Variants in SYT17 observed in about 807,000 individuals in gnomAD.
The protein encoded by SYT17 is synaptotagmin-17.
In SYT17, 22 loss-of-function variants were observed where a neutral mutation model predicts 46.7. The ratio of observed to expected loss-of-function variants is 0.47; its 90% CI spans 0.34 to 0.67. The LOEUF is 0.67. SYT17 is among the 30% of genes least tolerant of loss of function. The probability of loss-of-function intolerance (pLI) is 0.01; values close to 1 mark genes in which losing one functional copy is unlikely to be tolerated. For missense variants in SYT17, 519 were observed against 612.8 expected (o/e 0.85, Z 1.62); for synonymous variants, 251 against 248.4 (o/e 1.01, Z -0.10).
chr16:19,174,002 C>T (rs780016753), intron 3 of SYT17, among the ~76,000 whole-genome samples: 1 of 152,118 alleles, frequency 6.6e-6, no homozygotes, highest in Non-Finnish European at 1.5e-5. Context: ...TAGCCCAGGG[C>T]CTGCACATAG....
chr16:19,204,820 C>T (rs556849068), intron 5 of SYT17, among the ~76,000 whole-genome samples: 10 of 152,142 alleles, frequency 6.6e-5, no homozygotes, highest in Admixed American at 3.9e-4. Flanking sequence ...CTTAGTTTGC[C>T]GCCTGCTGGA....
At chr16:19,249,961 G>C in intron 7 of SYT17, 1 of 1,535,932 alleles carries the variant, frequency 6.5e-7, no homozygotes, top group Non-Finnish European at 8.7e-7. Context: ...CCCCATACCA[G>C]CCTGCGAACT....
intron 7 of SYT17, among the ~76,000 whole-genome samples, chr16:19,231,697 C>T (rs1966697494): frequency 6.6e-6 from 1 of 151,916 alleles, no homozygotes. Context: ...GGGGGTGGGA[C>T]CAGCTCCCTG....
chr16:19,262,224 A>C (rs1380780235), intron 7 of SYT17, among the ~76,000 whole-genome samples: 1 of 152,206 alleles, frequency 6.6e-6, no homozygotes, highest in Non-Finnish European at 1.5e-5. Context: ...CTTATGTTGA[A>C]TCCTAATCCC....
chr16:19,215,074 C>T (rs1966043226), intron 5 of SYT17, among the ~76,000 whole-genome samples: 2 of 152,124 alleles, frequency 1.3e-5, no homozygotes, highest in South Asian at 2.1e-4. Flanking sequence ...AGGCATGAGC[C>T]ACCGTGCCCG....
intron 7 of SYT17, among the ~76,000 whole-genome samples, chr16:19,253,174 T>C (rs996850881): frequency 2.0e-5 from 3 of 152,230 alleles, no homozygotes; most frequent in African/African-American, 7.2e-5. Flanking sequence ...GTGGCTGCTT[T>C]CTGCTAGTGC....
At chr16:19,202,373 T>C (rs1965500746) in intron 5 of SYT17, among the ~76,000 whole-genome samples, 1 of 152,232 alleles carries the variant, frequency 6.6e-6, no homozygotes, top group African/African-American at 2.4e-5. Flanking sequence ...GACAGCCAAG[T>C]AGAAAGGATG....
At chr16:19,236,870 A>G (rs566700639) in intron 7 of SYT17, among the ~76,000 whole-genome samples, 39 of 152,304 alleles carry the variant, frequency 2.6e-4, no homozygotes, top group Admixed American at 7.8e-4. Flanking sequence ...TTCAGTCTCT[A>G]TCCCCTCCCA....
intron 7 of SYT17, among the ~76,000 whole-genome samples, chr16:19,259,968 A>G (rs1160810039): frequency 6.6e-6 from 1 of 152,188 alleles, no homozygotes; most frequent in Non-Finnish European, 1.5e-5. Context: ...ACATTGGTTC[A>G]GTCCAGAAAG....
intron 5 of SYT17, among the ~76,000 whole-genome samples, chr16:19,191,271 G>A (rs144667528): frequency 2.6e-5 from 4 of 152,214 alleles, no homozygotes; most frequent in Admixed American, 1.3e-4. Flanking sequence ...TCCTAAATTC[G>A]TATGTTGAAA....
At chr16:19,254,671 A>G (rs550382881) in intron 7 of SYT17, among the ~76,000 whole-genome samples, 1 of 152,272 alleles carries the variant, frequency 6.6e-6, no homozygotes, top group South Asian at 2.1e-4. Context: ...AGCTCTGTAG[A>G]CAGTTTGCAG....
chr16:19,178,718 T>TG (rs531261101), intron 3 of SYT17, among the ~76,000 whole-genome samples: 2 of 152,212 alleles, frequency 1.3e-5, no homozygotes, highest in Non-Finnish European at 2.9e-5. Flanking sequence ...AATGTCAAGT[T>TG]GGGGGGTATG....
Position 19,222,830 on chromosome 16 carries a change from C to A in SYT17, c.952-215C>A, listed in dbSNP as rs1419953337. On this transcript the variant is annotated intron_variant, in intron 5 of 7. Transcript: ENST00000355377. ...GCTGCTTTTGTTGTTATTGTTGTTGCTGTTGAGTGATCTAAGAGCGGAAAA... is the reference window on the plus strand; with the variant it reads ...GCTGCTTTTGTTGTTATTGTTGTTGATGTTGAGTGATCTAAGAGCGGAAAA... 3.7e-4 allele frequency among the ~76,000 whole-genome samples: 56 copies of A among 152,054 alleles called. 1 individual carries two copies. Among genetic ancestry groups the A allele is most frequent in the Admixed American group, 3.7e-3 (56 of 15,248 alleles).
intron 6 of SYT17, among the ~76,000 whole-genome samples, chr16:19,223,728 C>A (rs573789273): frequency 6.6e-6 from 1 of 152,258 alleles, no homozygotes; most frequent in South Asian, 2.1e-4. Context: ...GAATTATTGT[C>A]TTCTCTAAGT....
At chr16:19,261,100 C>T (rs1443051220) in intron 7 of SYT17, among the ~76,000 whole-genome samples, 1 of 152,094 alleles carries the variant, frequency 6.6e-6, no homozygotes, top group African/African-American at 2.4e-5. Flanking sequence ...CTTGACCTCC[C>T]AAAGTGCTGG....
In SYT17 at chr16:19,252,482, CATATATATATACATATATATATACATAT is replaced by C. The variant is rs1567234861; in HGVS notation, c.1229-14390_1229-14363del. 3.3e-3 allele frequency among the ~76,000 whole-genome samples: 16 copies of C among 4,842 alleles called. 6 individuals are homozygous for C. The highest frequency in any genetic ancestry group is 6.9e-3 in the African/African-American group (4 of 576). 3.2% of individuals were successfully genotyped at this position (4,842 alleles called of 152,430 possible). Reference sequence around the variant, plus strand: ...ACATATATATATACATATATATATACATATATATATACATATATATATACATATATATATACATATATATATACATATA... The same window carrying C: ...ACATATATATATACATATATATATACATATATACATATATATATACATATA... On this transcript the variant is annotated intron_variant, in intron 7 of 7. Transcript: ENST00000355377.
At chr16:19,264,363 T>G (rs1454816596) in intron 7 of SYT17, among the ~76,000 whole-genome samples, 1 of 152,252 alleles carries the variant, frequency 6.6e-6, no homozygotes, top group Non-Finnish European at 1.5e-5. Context: ...AGTCCATATT[T>G]GACTGGGAGG....
At chr16:19,210,045 G>A (rs1282222243) in intron 5 of SYT17, among the ~76,000 whole-genome samples, 1 of 151,144 alleles carries the variant, frequency 6.6e-6, no homozygotes, top group Non-Finnish European at 1.5e-5. Context: ...CATGGAAAAT[G>A]TGTGTGTAAT....
intron 7 of SYT17, among the ~76,000 whole-genome samples, chr16:19,243,596 AG>A (rs1364798781): frequency 8.6e-5 from 13 of 151,962 alleles, no homozygotes; most frequent in African/African-American, 3.1e-4. Flanking sequence ...GGATCACCTG[AG>A]GTTGGGAGTT....
Sources: gnomAD v4.1 joint callset for allele counts (sites outside exome capture counted in the v4.1 genomes callset) on GRCh38, gnomAD v4.1.1 for gene constraint, MANE v1.5 for transcripts, NCBI Gene and HGNC (gene_info 2026-07-23, HGNC 2026-07-21) for gene names.